Variants in DCC observed in about 807,000 individuals in gnomAD.
DCC encodes the protein netrin receptor DCC.
In DCC, 58 loss-of-function variants were observed where a neutral mutation model predicts 172.5. The observed-to-expected ratio is 0.34, with a 90% confidence interval of 0.27 to 0.42. The LOEUF (loss-of-function observed/expected upper bound fraction) is 0.42, where lower values mean the gene tolerates loss of function less well. Among genes scored for constraint, DCC ranks in the 10% least tolerant of loss-of-function variants. DCC has a pLI of 1.00. For missense variants in DCC, 1,740 were observed against 1,791.0 expected (o/e 0.97, Z 0.51); for synonymous variants, 709 against 644.5 (o/e 1.10, Z -1.52).
chr18:52,919,486 C>A (rs2040087735), intron 3 of DCC, among the ~76,000 whole-genome samples: 1 of 152,140 alleles, frequency 6.6e-6, no homozygotes, highest in African/African-American at 2.4e-5. Flanking sequence ...GTTTTTCTGG[C>A]AAAAGCTGAC....
At chr18:53,142,984 G>C (rs1264357917) in intron 7 of DCC, among the ~76,000 whole-genome samples, 1 of 151,976 alleles carries the variant, frequency 6.6e-6, no homozygotes, top group Non-Finnish European at 1.5e-5. Flanking sequence ...TCATCCTTTA[G>C]ACTGGTATTC....
In DCC at chr18:53,525,485, G is replaced by A. The variant is rs533800833; in HGVS notation, c.4112-1132G>A. 1.7e-4 allele frequency among the ~76,000 whole-genome samples: 26 copies of A among 152,152 alleles called. No individual in the cohort carries two copies. The South Asian group carries it at 4.4e-3, about 25-fold the overall frequency. On this transcript the variant is annotated intron_variant, in intron 27 of 28. Transcript: ENST00000442544. The stretch of plus-strand genomic sequence containing the variant: ...ATGAAGAAATTTCATGTTAGGTCAC[G>A]GGATGGGAAAAGATGCTTATGTCAG...
intron 2 of DCC, among the ~76,000 whole-genome samples, chr18:52,833,742 C>A (rs2038656315): frequency 6.6e-6 from 1 of 152,124 alleles, no homozygotes; most frequent in Non-Finnish European, 1.5e-5. Flanking sequence ...CTCACTGCAG[C>A]CTTAAATTCC....
At chr18:52,668,101 G>A (rs1240219287) in intron 1 of DCC, among the ~76,000 whole-genome samples, 2 of 151,910 alleles carry the variant, frequency 1.3e-5, no homozygotes, top group Non-Finnish European at 2.9e-5. Flanking sequence ...GGAAGCATGA[G>A]GTTGCCAGCT....
At chr18:53,361,347 T>G (rs1012961486) in intron 15 of DCC, among the ~76,000 whole-genome samples, 42 of 152,014 alleles carry the variant, frequency 2.8e-4, no homozygotes, top group Non-Finnish European at 4.7e-4. Flanking sequence ...TGTTGGACTT[T>G]CCCCCCCAAT....
chr18:52,495,318 G>T (rs773093378), intron 1 of DCC, among the ~76,000 whole-genome samples: 1 of 151,998 alleles, frequency 6.6e-6, no homozygotes, highest in Non-Finnish European at 1.5e-5. Flanking sequence ...TTTTGTCTCT[G>T]CAGGGCCACA....
intron 25 of DCC, among the ~76,000 whole-genome samples, chr18:53,474,772 T>C (rs185491868): frequency 2.0e-5 from 3 of 152,308 alleles, no homozygotes; most frequent in Admixed American, 6.5e-5. Context: ...GAGTGGGGCA[T>C]TGCTGTTAAG....
chr18:53,428,363 T>G (rs1256739658), intron 21 of DCC, among the ~76,000 whole-genome samples: 43 of 55,104 alleles, frequency 7.8e-4, no homozygotes, highest in South Asian at 1.7e-3. Context: ...ATGTTGTATA[T>G]AATATAATAT....
intron 22 of DCC, among the ~76,000 whole-genome samples, chr18:53,440,330 T>G (rs1912192325): frequency 6.6e-6 from 1 of 152,192 alleles, no homozygotes; most frequent in Non-Finnish European, 1.5e-5. Flanking sequence ...AGTATTTTAT[T>G]GACCTCAACC....
Position 52,765,199 on chromosome 18 carries a change from A to ATTT in DCC, c.412+12825_412+12826insTTT, listed in dbSNP as rs369735420. ...CAGGCATGTGCTAGCACTCCTGGCT[A>ATTT]ATTTTTTTTTTTTTTTTTTGTATTT... On this transcript the variant is annotated intron_variant, in intron 2 of 28. Transcript: ENST00000442544. Among the ~76,000 whole-genome samples, 341 of 120,072 alleles carry ATTT rather than the reference A, an allele frequency of 2.8e-3. 18 individuals are homozygous for ATTT. Among genetic ancestry groups the ATTT allele is most frequent in the South Asian group, 5.6e-3 (21 of 3,760 alleles). 78.8% of individuals were successfully genotyped at this position (120,072 alleles called of 152,430 possible).
intron 1 of DCC, among the ~76,000 whole-genome samples, chr18:52,494,859 T>C (rs2030679830): frequency 6.6e-6 from 1 of 152,138 alleles, no homozygotes; most frequent in South Asian, 2.1e-4. Flanking sequence ...TCCTGTATCT[T>C]GTCACACCTA....
Position 52,542,662 on chromosome 18 carries a change from C to T in DCC, c.91+201784C>T, listed in dbSNP as rs532209291. On this transcript the variant is annotated intron_variant, in intron 1 of 28. Transcript: ENST00000442544. ...ACCAGCCTGGCCAACATGGAGAAACCCCGTCTCTACTAAAACTACAAAAAA... is the reference window on the plus strand; with the variant it reads ...ACCAGCCTGGCCAACATGGAGAAACTCCGTCTCTACTAAAACTACAAAAAA... Among the ~76,000 whole-genome samples, 9 of 152,098 alleles carry T rather than the reference C, an allele frequency of 5.9e-5. 1 individual carries two copies. The South Asian group carries it at 1.9e-3, about 32-fold the overall frequency.
At chr18:52,722,134 A>G (rs2036482603) in intron 1 of DCC, among the ~76,000 whole-genome samples, 1 of 152,194 alleles carries the variant, frequency 6.6e-6, no homozygotes, top group African/African-American at 2.4e-5. Flanking sequence ...GAGCTCTAGA[A>G]TTCTAAAAGG....
intron 1 of DCC, among the ~76,000 whole-genome samples, chr18:52,413,534 A>C (rs887099365): frequency 6.6e-6 from 1 of 152,006 alleles, no homozygotes; most frequent in African/African-American, 2.4e-5. Context: ...AAATGATAAA[A>C]GTTATTTATT....
intron 1 of DCC, among the ~76,000 whole-genome samples, chr18:52,596,571 T>C (rs973785339): frequency 6.6e-6 from 1 of 152,204 alleles, no homozygotes; most frequent in African/African-American, 2.4e-5. Flanking sequence ...GCCCACCAGA[T>C]AATTCTGATA....
intron 5 of DCC, among the ~76,000 whole-genome samples, chr18:52,949,033 A>G (rs1054659775): frequency 2.6e-5 from 4 of 152,178 alleles, no homozygotes; most frequent in Admixed American, 6.5e-5. Flanking sequence ...CACTGAATTA[A>G]TAGTCACAGA....
At chr18:53,385,984 G>C in intron 15 of DCC, 59 bp from the exon 16 acceptor site, 1 of 1,133,764 alleles carries the variant, frequency 8.8e-7, no homozygotes, top group Non-Finnish European at 1.3e-6. Context: ...TGTTTGCCTT[G>C]AGTATTTTGA....
At chr18:53,172,422 A>G (rs1052837385) in intron 8 of DCC, among the ~76,000 whole-genome samples, 1 of 152,136 alleles carries the variant, frequency 6.6e-6, no homozygotes, top group African/African-American at 2.4e-5. Flanking sequence ...GCATCACACA[A>G]TATACCCGTG....
chr18:53,522,672 T>G (rs1840409070), intron 27 of DCC, among the ~76,000 whole-genome samples: 1 of 152,096 alleles, frequency 6.6e-6, no homozygotes, highest in Non-Finnish European at 1.5e-5. Flanking sequence ...GGGAAAGGAT[T>G]CCCTATTTAA....
Sources: gnomAD v4.1 joint callset for allele counts (sites outside exome capture counted in the v4.1 genomes callset) on GRCh38, gnomAD v4.1.1 for gene constraint, MANE v1.5 for transcripts, NCBI Gene and HGNC (gene_info 2026-07-23, HGNC 2026-07-21) for gene names.